The following ANKIB1 variants were observed in gnomAD, a reference collection of about 807,000 sequenced individuals.
The protein encoded by ANKIB1 is ankyrin repeat and IBR domain containing 1, also known as ankyrin repeat and IBR domain-containing protein 1.
Under a neutral mutation model 122.1 loss-of-function variants are expected in ANKIB1, and 43 were observed. The ratio of observed to expected loss-of-function variants is 0.35; its 90% CI spans 0.28 to 0.45. ANKIB1 has a LOEUF of 0.45. Ranked by LOEUF, ANKIB1 falls within the 20% of genes least tolerant of loss-of-function variation. ANKIB1 has a pLI of 1.00. For synonymous variants in ANKIB1, 390 were observed against 442.0 expected (o/e 0.88, Z 1.48); for missense variants, 992 against 1,329.5 (o/e 0.75, Z 3.95).
chr7:92,249,107 C>G (rs2131868433), intron 1 of ANKIB1, among the ~76,000 whole-genome samples: 1 of 152,212 alleles, frequency 6.6e-6, no homozygotes, highest in Non-Finnish European at 1.5e-5. Flanking sequence ...AGGCTGGTCT[C>G]AAACTCCTGA....
Position 92,399,057 on chromosome 7 carries a change from A to C in ANKIB1, c.*108A>C. ...CTTAATTCCAACTCAGTGATAAACC[A>C]CTGACATTAGGGTTGAATACAGAGA... On this transcript the variant is annotated 3_prime_UTR_variant, in exon 20 of 20. Coordinates refer to ENST00000265742, the MANE Select transcript of ANKIB1 (RefSeq NM_019004.2). The C allele has an allele frequency of 7.7e-7, 1 of 1,292,746 alleles. No individual in the cohort carries two copies. The highest frequency in any genetic ancestry group is 1.0e-6 in the Non-Finnish European group (1 of 975,654). 80.1% of individuals were successfully genotyped at this position (1,292,746 alleles called of 1,614,324 possible).
intron 3 of ANKIB1, among the ~76,000 whole-genome samples, chr7:92,317,629 A>T (rs1434990738): frequency 1.3e-5 from 2 of 152,232 alleles, no homozygotes; most frequent in Non-Finnish European, 2.9e-5. Flanking sequence ...ACCTCTGGCT[A>T]GAGCAAGAAG....
intron 7 of ANKIB1, chr7:92,347,856 T>C (rs370037984): frequency 2.1e-4 from 53 of 253,276 alleles, no homozygotes; most frequent in African/African-American, 1.0e-3. Context: ...TCATCAGTTT[T>C]TTAAATTTCT....
intron 1 of ANKIB1, among the ~76,000 whole-genome samples, chr7:92,281,877 T>C (rs1349706486): frequency 6.6e-6 from 1 of 152,186 alleles, no homozygotes; most frequent in Non-Finnish European, 1.5e-5. Flanking sequence ...TTTGTAAACT[T>C]GTACTAATTT....
chr7:92,389,935 CA>C, intron 14 of ANKIB1, 35 bp from the exon 15 acceptor site: 1 of 1,556,292 alleles, frequency 6.4e-7, no homozygotes, highest in South Asian at 1.3e-5. Context: ...GGCATATTTG[CA>C]AAAACAAATT....
chr7:92,254,052 A>G (rs1471001400), intron 1 of ANKIB1, among the ~76,000 whole-genome samples: 1 of 152,190 alleles, frequency 6.6e-6, no homozygotes, highest in Non-Finnish European at 1.5e-5. Context: ...AGTGTAAGGA[A>G]GCACTAGATG....
Position 92,285,107 on chromosome 7 carries a change from G to C in ANKIB1, c.-90-9782G>C, listed in dbSNP as rs187361074. On this transcript the variant is annotated intron_variant, in intron 1 of 19. Transcript: ENST00000265742. ...TTTTGAGACAGAGCCTTGCTCTGTTGCCCAGGCTGGAGTGCAGTGGCACTA... is the reference window on the plus strand; with the variant it reads ...TTTTGAGACAGAGCCTTGCTCTGTTCCCCAGGCTGGAGTGCAGTGGCACTA... Among the ~76,000 whole-genome samples, 35 of 152,164 alleles carry C rather than the reference G, an allele frequency of 2.3e-4. 1 individual carries two copies. The East Asian group carries it at 5.0e-3, about 22-fold the overall frequency.
At chr7:92,360,503 C>CA (rs1350919637) in intron 9 of ANKIB1, among the ~76,000 whole-genome samples, 1 of 152,130 alleles carries the variant, frequency 6.6e-6, no homozygotes, top group Non-Finnish European at 1.5e-5. Context: ...TGTTGATAGA[C>CA]ACTTGGGTTG....
At chr7:92,358,967 G>A (rs1023730155) in intron 9 of ANKIB1, among the ~76,000 whole-genome samples, 2 of 152,172 alleles carry the variant, frequency 1.3e-5, no homozygotes, top group Non-Finnish European at 2.9e-5. Flanking sequence ...TTACTCTGAT[G>A]TCTGCTAGCA....
At chr7:92,350,838 T>G in intron 7 of ANKIB1, 112 bp from the exon 8 acceptor site, 1 of 1,067,416 alleles carries the variant, frequency 9.4e-7, no homozygotes, top group Non-Finnish European at 1.3e-6. Context: ...ACCTGAGTGA[T>G]GGAATGAGAC....
At chr7:92,281,053 A>G (rs1802003766) in intron 1 of ANKIB1, among the ~76,000 whole-genome samples, 1 of 152,234 alleles carries the variant, frequency 6.6e-6, no homozygotes, top group Admixed American at 6.5e-5. Flanking sequence ...AAAATCAGCA[A>G]AGGGAAAGGG....
chr7:92,370,290 C>T (rs954181595), intron 10 of ANKIB1, among the ~76,000 whole-genome samples: 21 of 151,572 alleles, frequency 1.4e-4, no homozygotes, highest in African/African-American at 4.6e-4. Flanking sequence ...GGGCGGATCA[C>T]GAGGTCAGGA....
chr7:92,345,160 T>G, intron 7 of ANKIB1, 94 bp downstream of exon 7: 1 of 845,122 alleles, frequency 1.2e-6, no homozygotes, highest in South Asian at 1.7e-5. Context: ...TGATGCAAAT[T>G]GTTTATATTG....
In ANKIB1 at chr7:92,327,981, AT is replaced by A. The variant is rs1803063894; in HGVS notation, c.787+84del. 5 of 871,318 alleles carry A rather than the reference AT, an allele frequency of 5.7e-6. No homozygotes were observed. In the East Asian group the frequency reaches 1.4e-4, roughly 24 times the overall value. 54.0% of individuals were successfully genotyped at this position (871,318 alleles called of 1,614,324 possible). ...GAGTTTTTAAAAGGGCTATTTTTGTATTTGAATACAGAACAAAATGGTTTGT... is the reference window on the plus strand; with the variant it reads ...GAGTTTTTAAAAGGGCTATTTTTGTATTGAATACAGAACAAAATGGTTTGT... On this transcript the variant is annotated intron_variant, in intron 5 of 19. Coordinates refer to ENST00000265742, the MANE Select transcript of ANKIB1 (RefSeq NM_019004.2).
At chr7:92,277,685 A>G (rs564023256) in intron 1 of ANKIB1, among the ~76,000 whole-genome samples, 150 of 152,244 alleles carry the variant, frequency 9.9e-4, no homozygotes, top group African/African-American at 3.6e-3. Context: ...GGAGGCTCAT[A>G]CCTGTAATCC....
intron 4 of ANKIB1, among the ~76,000 whole-genome samples, chr7:92,322,184 A>G (rs1802926869): frequency 6.6e-6 from 1 of 152,214 alleles, no homozygotes; most frequent in Non-Finnish European, 1.5e-5. Flanking sequence ...GTAATATTCC[A>G]GAAATAATAT....
chr7:92,246,049 G>C lies in ANKIB1; in HGVS notation c.-561G>C, dbSNP rs1266132372. ...AGTCTCTCAGGGGCTGGTGGCAGGC[G>C]ACTAGGAGACTAGGGTGGTGGCGGT... On this transcript the variant is annotated 5_prime_UTR_variant, in exon 1 of 20. Transcript: ENST00000265742. 3.7e-6 allele frequency: 1 copy of C among 269,454 alleles called. No individual in the cohort carries two copies. Among genetic ancestry groups the C allele is most frequent in the Admixed American group, 6.2e-5 (1 of 16,034 alleles). 16.7% of individuals were successfully genotyped at this position (269,454 alleles called of 1,614,324 possible).
At chr7:92,293,845 T>C (rs563445151) in intron 1 of ANKIB1, among the ~76,000 whole-genome samples, 1 of 152,326 alleles carries the variant, frequency 6.6e-6, no homozygotes, top group South Asian at 2.1e-4. Context: ...TTGTCACTAA[T>C]TTTCATCATA....
At chr7:92,317,189 A>G (rs1171777294) in intron 3 of ANKIB1, among the ~76,000 whole-genome samples, 1 of 152,210 alleles carries the variant, frequency 6.6e-6, no homozygotes, top group African/African-American at 2.4e-5. Context: ...AAATTAGGTA[A>G]TATAAATTTA....
Sources: gnomAD v4.1 joint callset for allele counts (sites outside exome capture counted in the v4.1 genomes callset) on GRCh38, gnomAD v4.1.1 for gene constraint, MANE v1.5 for transcripts, NCBI Gene and HGNC (gene_info 2026-07-23, HGNC 2026-07-21) for gene names.